The following MMP26 variants were observed in gnomAD, a reference collection of about 807,000 sequenced individuals.
MMP26 encodes the protein matrix metalloproteinase-26.
MMP26 carries 33 observed loss-of-function variants against 31.0 expected under a neutral mutation model. The ratio of observed to expected loss-of-function variants is 1.06; its 90% CI spans 0.81 to 1.42. MMP26 has a LOEUF of 1.42. MMP26 is among the 40% of genes most tolerant of loss of function. The probability of loss-of-function intolerance (pLI) is 0.00; values close to 1 mark genes in which losing one functional copy is unlikely to be tolerated. For synonymous variants in MMP26, 122 were observed against 114.9 expected (o/e 1.06, Z -0.40); for missense variants, 347 against 316.1 (o/e 1.10, Z -0.74).
At chr11:4,789,598 T>C (rs1848995348) in intron 2 of MMP26, among the ~76,000 whole-genome samples, 2 of 128,132 alleles carry the variant, frequency 1.6e-5, no homozygotes, top group African/African-American at 5.7e-5. Flanking sequence ...TGGATTGCAG[T>C]AGCATGATCT....
intron 2 of MMP26, among the ~76,000 whole-genome samples, chr11:4,955,899 G>A (rs1284238980): frequency 6.6e-6 from 1 of 152,212 alleles, no homozygotes; most frequent in Non-Finnish European, 1.5e-5. Context: ...ATAATGAAGA[G>A]AGATGGGTAA....
chr11:4,847,154 A>G (rs1849883650), intron 2 of MMP26, among the ~76,000 whole-genome samples: 1 of 152,198 alleles, frequency 6.6e-6, no homozygotes, highest in South Asian at 2.1e-4. Flanking sequence ...TATCACATCC[A>G]CTAACATCCT....
chr11:4,821,996 C>G (rs762776694), intron 2 of MMP26: 1 of 1,614,078 alleles, frequency 6.2e-7, no homozygotes, highest in Middle Eastern at 1.7e-4. Flanking sequence ...CTCTCCTGCA[C>G]AGACAATAGG....
At chr11:4,731,192 G>A (rs1016130972) in intron 1 of MMP26, among the ~76,000 whole-genome samples, 21 of 152,074 alleles carry the variant, frequency 1.4e-4, no homozygotes, top group African/African-American at 4.8e-4. Flanking sequence ...GACCGCCTCA[G>A]CCTCCCAAAG....
intron 2 of MMP26, among the ~76,000 whole-genome samples, chr11:4,824,039 A>G (rs1450010054): frequency 6.6e-6 from 1 of 152,138 alleles, no homozygotes; most frequent in Non-Finnish European, 1.5e-5. Flanking sequence ...ATGAACAGTT[A>G]CATTTGTAAA....
At chr11:4,767,163 T>G (rs887560343) in intron 1 of MMP26, 107 bp from the exon 2 acceptor site, 5 of 152,202 alleles carry the variant, frequency 3.3e-5, no homozygotes, top group Admixed American at 2.6e-4. Context: ...AAAGGGTTTG[T>G]GTTTCATAAT....
chr11:4,882,655 T>C, intron 2 of MMP26: 1 of 1,613,946 alleles, frequency 6.2e-7, no homozygotes, highest in East Asian at 2.2e-5. Flanking sequence ...CAGTCACTAT[T>C]TTCTATGTGC....
chr11:4,984,735 T>A (rs978928636), intron 2 of MMP26, among the ~76,000 whole-genome samples: 1 of 152,224 alleles, frequency 6.6e-6, no homozygotes, highest in Non-Finnish European at 1.5e-5. Context: ...TTGTGTATAG[T>A]TATTGTGTAC....
At chr11:4,824,384 C>G (rs1849554138) in intron 2 of MMP26, among the ~76,000 whole-genome samples, 1 of 152,130 alleles carries the variant, frequency 6.6e-6, no homozygotes, top group Admixed American at 6.5e-5. Context: ...TTTCTATCCT[C>G]TATAAAAATT....
At chr11:4,813,014 T>C (rs1355713641) in intron 2 of MMP26, among the ~76,000 whole-genome samples, 3 of 147,436 alleles carry the variant, frequency 2.0e-5, no homozygotes, top group Non-Finnish European at 4.4e-5. Flanking sequence ...TGTGTGTGTA[T>C]GTATATATAT....
chr11:4,906,824 C>G (rs1188661454), intron 2 of MMP26, among the ~76,000 whole-genome samples: 1 of 152,116 alleles, frequency 6.6e-6, no homozygotes, highest in African/African-American at 2.4e-5. Flanking sequence ...GATGCAGTGG[C>G]TCACACCTGT....
rs1186159757 is a variant in MMP26 at position 4,951,974 on chromosome 11, A to G, written c.-144-36094A>G. On this transcript the variant is annotated intron_variant, in intron 2 of 7. Coordinates refer to ENST00000380390, the MANE Select transcript of MMP26 (RefSeq NM_021801.5). ...GCGGTGATAACAACTTCTTTGCAGC[A>G]CTTAAGTGTCCTGTAGCTCACAAGG... Among the ~76,000 whole-genome samples the G allele has an allele frequency of 1.6e-5, 2 of 124,460 alleles. 1 individual carries two copies. Among genetic ancestry groups the G allele is most frequent in the Non-Finnish European group, 3.6e-5 (2 of 54,936 alleles). The allele number at this position is 124,460 out of a possible 152,430, so 81.7% of individuals were successfully genotyped here.
intron 1 of MMP26, among the ~76,000 whole-genome samples, chr11:4,714,061 T>C (rs1395191567): frequency 6.6e-6 from 1 of 152,162 alleles, no homozygotes; most frequent in African/African-American, 2.4e-5. Flanking sequence ...TATTTCTGGG[T>C]AGAATACATC....
At chr11:4,935,393 A>G (rs558298434) in intron 2 of MMP26, among the ~76,000 whole-genome samples, 1 of 152,002 alleles carries the variant, frequency 6.6e-6, no homozygotes, top group Non-Finnish European at 1.5e-5. Flanking sequence ...TTGTTGATGT[A>G]TAAGAATGCT....
At chr11:4,807,848 A>C (rs1849299007) in intron 2 of MMP26, among the ~76,000 whole-genome samples, 1 of 152,112 alleles carries the variant, frequency 6.6e-6, no homozygotes, top group South Asian at 2.1e-4. Flanking sequence ...TCTGTTGTCC[A>C]GGCTGGAGTG....
chr11:4,981,866 AACACT>A (rs1846818310), intron 2 of MMP26, among the ~76,000 whole-genome samples: 1 of 151,656 alleles, frequency 6.6e-6, no homozygotes, highest in Admixed American at 6.6e-5. Flanking sequence ...CTAATACATA[AACACT>A]ACATTGCCTA....
chr11:4,854,520 C>T (rs747551524), intron 2 of MMP26, among the ~76,000 whole-genome samples: 2 of 152,150 alleles, frequency 1.3e-5, no homozygotes, highest in Non-Finnish European at 2.9e-5. Flanking sequence ...AGGGGAGGGG[C>T]GTCTGACATT....
At chr11:4,908,284 G>A (rs778430756) in intron 2 of MMP26, 55 of 1,613,934 alleles carry the variant, frequency 3.4e-5, no homozygotes, top group Non-Finnish European at 4.1e-5. Context: ...TCTTGGGGAA[G>A]TTGCTTAATG....
In MMP26 at chr11:4,724,225, C is replaced by A; in HGVS notation, c.-217+19180C>A. ...TGGGCCTGTGAACCAGGTGGATGGG[C>A]CTTTGATCTAGGTCTTATTACCATA... On this transcript the variant is annotated intron_variant, in intron 1 of 7. Coordinates refer to ENST00000380390, the MANE Select transcript of MMP26 (RefSeq NM_021801.5). 8.6e-6 allele frequency: 4 copies of A among 466,802 alleles called. No homozygotes were observed. The South Asian group carries it at 1.3e-4, about 16-fold the overall frequency. The allele number at this position is 466,802 out of a possible 1,614,324, so 28.9% of individuals were successfully genotyped here.
Sources: allele counts gnomAD v4.1 joint callset (sites outside exome capture counted in the v4.1 genomes callset), GRCh38; gene constraint gnomAD v4.1.1; transcripts MANE v1.5; gene names NCBI Gene and HGNC (gene_info 2026-07-23, HGNC 2026-07-21).